The following MCC variants were observed in gnomAD, a reference collection of about 807,000 sequenced individuals.
MCC encodes the protein MCC regulator of Wnt signaling pathway.
In MCC, 90 loss-of-function variants were observed where a neutral mutation model predicts 116.2. The ratio of observed to expected loss-of-function variants is 0.77; its 90% confidence interval spans 0.65 to 0.92. The LOEUF (loss-of-function observed/expected upper bound fraction) is 0.92, where lower values mean the gene tolerates loss of function less well. Among genes scored for constraint, MCC ranks in the 40% least tolerant of loss-of-function variants. The pLI, the probability that MCC is intolerant of heterozygous loss-of-function variation, is 0.00. For missense variants in MCC, 1,516 were observed against 1,312.2 expected (o/e 1.16, Z -2.40); for synonymous variants, 578 against 510.5 (o/e 1.13, Z -1.78).
intron 3 of MCC, among the ~76,000 whole-genome samples, chr5:113,178,498 G>A (rs1286716428): frequency 6.6e-6 from 1 of 152,190 alleles, no homozygotes; most frequent in Non-Finnish European, 1.5e-5. Flanking sequence ...GGGTTAGCCA[G>A]AGAAATAATA....
chr5:113,445,662 A>G lies in MCC; in HGVS notation c.170+42583T>C, dbSNP rs976382287. Among the ~76,000 whole-genome samples, 6 of 152,230 alleles carry G rather than the reference A, an allele frequency of 3.9e-5. No homozygotes were observed. In the South Asian group the frequency reaches 6.2e-4, roughly 16 times the overall value. On this transcript the variant is annotated intron_variant, in intron 1 of 18. Coordinates refer to ENST00000408903, the MANE Select transcript of MCC (RefSeq NM_001085377.2). ...AATCGGTATTGTTAAAATGGCCATA[A>G]AGCCCAAAGCGATCTACAGATTCAA...
chr5:113,116,581 A>T (rs144823925), intron 6 of MCC, among the ~76,000 whole-genome samples: 10 of 152,374 alleles, frequency 6.6e-5, no homozygotes, highest in African/African-American at 2.2e-4. Context: ...TAAATGCTGT[A>T]GATTAATGCC....
chr5:113,062,785 T>C (rs1169744614), intron 14 of MCC, among the ~76,000 whole-genome samples: 1 of 152,204 alleles, frequency 6.6e-6, no homozygotes. Context: ...ACTGGGCATG[T>C]TCCCTCTCCT....
At chr5:113,184,472 G>A (rs904592754) in intron 3 of MCC, among the ~76,000 whole-genome samples, 5 of 123,800 alleles carry the variant, frequency 4.0e-5, no homozygotes, top group African/African-American at 1.6e-4. Flanking sequence ...TTCTTTCTTC[G>A]TTTTTTGTTT....
At chr5:113,468,524 G>A (rs1331577691) in intron 1 of MCC, among the ~76,000 whole-genome samples, 1 of 152,176 alleles carries the variant, frequency 6.6e-6, no homozygotes, top group Non-Finnish European at 1.5e-5. Context: ...GCATCCCAGG[G>A]ATGAAGCCCA....
chr5:113,064,961 G>GC lies in MCC; in HGVS notation c.2030-795dup, dbSNP rs1354951733. Among the ~76,000 whole-genome samples, 4 of 152,184 alleles carry GC rather than the reference G, an allele frequency of 2.6e-5. No homozygotes were observed. In the East Asian group the frequency reaches 7.7e-4, roughly 29 times the overall value. ...GCTTGAACTTAGGAGTTCAAATACA[G>GC]CCTGGGTAACAGAGCAAGACCCTGT... On this transcript the variant is annotated intron_variant, in intron 13 of 18. Coordinates refer to ENST00000408903, the MANE Select transcript of MCC (RefSeq NM_001085377.2).
intron 3 of MCC, among the ~76,000 whole-genome samples, chr5:113,276,262 G>A (rs1369849334): frequency 1.3e-5 from 2 of 152,196 alleles, no homozygotes; most frequent in Admixed American, 6.5e-5. Context: ...GACTGAGTAC[G>A]CAGGCCTGGG....
At chr5:113,114,316 C>A (rs566997966) in intron 6 of MCC, among the ~76,000 whole-genome samples, 1 of 152,272 alleles carries the variant, frequency 6.6e-6, no homozygotes, top group Middle Eastern at 3.4e-3. Flanking sequence ...AGATTTAACA[C>A]GGAGAGCGCA....
intron 11 of MCC, among the ~76,000 whole-genome samples, chr5:113,076,994 A>G (rs985560863): frequency 4.7e-4 from 71 of 152,236 alleles, no homozygotes; most frequent in African/African-American, 1.6e-3. Flanking sequence ...AAAAAGAAGC[A>G]GGGGTTGCAA....
At chr5:113,198,537 A>AT (rs1331842363) in intron 3 of MCC, among the ~76,000 whole-genome samples, 4 of 101,100 alleles carry the variant, frequency 4.0e-5, no homozygotes, top group Admixed American at 1.9e-4. Flanking sequence ...CCTACAAATA[A>AT]TTAAAAAAAA....
At position 113,024,656 on chromosome 5, in the gene MCC, T is replaced by C. The variant is rs552296609; in HGVS notation, c.*2646A>G. ...TTAGAATCAAGATCATTGTTTACCC[T>C]CATTGGAGATGTTTGTTAGAGAAAA... On this transcript the variant is annotated 3_prime_UTR_variant, in exon 19 of 19. Transcript: ENST00000408903. The C allele has an allele frequency of 2.0e-5, 3 of 152,322 alleles. No homozygotes were observed. The highest frequency in any genetic ancestry group is 2.0e-4 in the Admixed American group (3 of 15,302). The allele number at this position is 152,322 out of a possible 1,614,324, so 9.4% of individuals were successfully genotyped here.
chr5:113,214,894 C>T (rs115763485), intron 3 of MCC, among the ~76,000 whole-genome samples: 1,975 of 152,314 alleles, frequency 0.013, 47 homozygotes, highest in African/African-American at 0.046. Context: ...TTCTACCTTC[C>T]CCATGCTCTA....
chr5:113,252,270 G>A (rs775840794), intron 3 of MCC, among the ~76,000 whole-genome samples: 10 of 152,178 alleles, frequency 6.6e-5, no homozygotes, highest in Non-Finnish European at 1.3e-4. Flanking sequence ...GTACGAGGCC[G>A]CAAAGCAGGA....
At chr5:113,072,083 AGATGCTCTT>A (rs1200544467) in intron 11 of MCC, among the ~76,000 whole-genome samples, 1 of 152,212 alleles carries the variant, frequency 6.6e-6, no homozygotes, top group Non-Finnish European at 1.5e-5. Context: ...CTCAGGGTAC[AGATGCTCTT>A]GATGCCACAA....
At chr5:113,289,506 G>A (rs935468739) in intron 3 of MCC, among the ~76,000 whole-genome samples, 7 of 152,022 alleles carry the variant, frequency 4.6e-5, no homozygotes, top group African/African-American at 1.5e-4. Flanking sequence ...GAAAACAGCT[G>A]TTTTGACCAA....
chr5:113,139,503 A>G (rs1385094572), intron 5 of MCC, among the ~76,000 whole-genome samples: 1 of 152,206 alleles, frequency 6.6e-6, no homozygotes, highest in African/African-American at 2.4e-5. Context: ...ATATGAAAAA[A>G]AGCTCATCAT....
At chr5:113,333,828 T>TATAC (rs1767773025) in intron 3 of MCC, among the ~76,000 whole-genome samples, 1 of 12,274 alleles carries the variant, frequency 8.1e-5, no homozygotes, top group East Asian at 3.7e-3. Flanking sequence ...TACATATATG[T>TATAC]ATATATGTAT....
chr5:113,048,845 C>G lies in MCC; in HGVS notation c.2655+248G>C, dbSNP rs144897845. The G allele has an allele frequency of 2.5e-4, 148 of 583,402 alleles. No individual in the cohort carries two copies. In the Middle Eastern group the frequency reaches 2.7e-3, roughly 11 times the overall value. The allele number at this position is 583,402 out of a possible 1,614,324, so 36.1% of individuals were successfully genotyped here. A position where few individuals can be genotyped will look rare whatever the true frequency, so the allele number is the denominator to read the frequency against. On this transcript the variant is annotated intron_variant, in intron 16 of 18. Coordinates refer to ENST00000408903, the MANE Select transcript of MCC (RefSeq NM_001085377.2). ...CAGTGGACAACTGCAGAGATCACCC[C>G]TCTGATGTGACTGTGATATGTGAAA... is the stretch of plus-strand genomic sequence containing the variant.
At chr5:113,398,222 G>C (rs1390566325) in intron 1 of MCC, among the ~76,000 whole-genome samples, 1 of 152,186 alleles carries the variant, frequency 6.6e-6, no homozygotes, top group Non-Finnish European at 1.5e-5. Flanking sequence ...GGGAATGCTT[G>C]TGCACTGTTG....
Sources: gnomAD v4.1 joint callset for allele counts (sites outside exome capture counted in the v4.1 genomes callset) on GRCh38, gnomAD v4.1.1 for gene constraint, MANE v1.5 for transcripts, NCBI Gene and HGNC (gene_info 2026-07-23, HGNC 2026-07-21) for gene names.